Variants in CTNNBIP1 observed in about 807,000 individuals in gnomAD.
CTNNBIP1 encodes the protein catenin beta interacting protein 1, also known as beta-catenin-interacting protein 1.
A neutral mutation model predicts 11.8 loss-of-function variants in CTNNBIP1; 7 were observed. The ratio of observed to expected loss-of-function variants is 0.60; its 90% CI spans 0.34 to 1.12. The LOEUF is 1.12. CTNNBIP1 is among the 50% of genes most tolerant of loss of function. The pLI is 0.03. For synonymous variants in CTNNBIP1, 58 were observed against 43.9 expected, an observed-to-expected ratio of 1.32 and a Z score of -1.26; for missense variants, 101 against 113.4, an observed-to-expected ratio of 0.89 and a Z score of 0.50.
chr1:9,891,685 T>C (rs1639303624), intron 1 of CTNNBIP1, among the ~76,000 whole-genome samples: 1 of 151,978 alleles, frequency 6.6e-6, no homozygotes, highest in South Asian at 2.1e-4. Context: ...CAAATGCCTG[T>C]AATCCCAGCA....
chr1:9,891,781 ATTT>A (rs70998316), intron 1 of CTNNBIP1, among the ~76,000 whole-genome samples: 3,905 of 81,318 alleles, frequency 0.048, 198 homozygotes, highest in African/African-American at 0.18. Flanking sequence ...ATCTCTTTAA[ATTT>A]TTTTTTTTTT....
At chr1:9,863,792 G>A (rs1049543557) in intron 5 of CTNNBIP1, among the ~76,000 whole-genome samples, 3 of 152,208 alleles carry the variant, frequency 2.0e-5, no homozygotes, top group African/African-American at 7.2e-5. Context: ...GCTGTTATGG[G>A]GGATTCCAGG....
At chr1:9,901,384 G>T (rs1346803438) in intron 1 of CTNNBIP1, among the ~76,000 whole-genome samples, 1 of 152,172 alleles carries the variant, frequency 6.6e-6, no homozygotes, top group Admixed American at 6.5e-5. Flanking sequence ...TGATCAGGAA[G>T]AACAGGGGTG....
At chr1:9,869,895 T>A (rs1638826209) in intron 5 of CTNNBIP1, among the ~76,000 whole-genome samples, 1 of 152,186 alleles carries the variant, frequency 6.6e-6, no homozygotes, top group Admixed American at 6.5e-5. Flanking sequence ...ACCCAAGAGA[T>A]CCCAGGATGG....
chr1:9,893,954 A>T (rs192603317), intron 1 of CTNNBIP1, among the ~76,000 whole-genome samples: 6 of 152,366 alleles, frequency 3.9e-5, no homozygotes, highest in Non-Finnish European at 5.9e-5. Flanking sequence ...ATGCTGTAAA[A>T]GGACAAAGAA....
intron 1 of CTNNBIP1, among the ~76,000 whole-genome samples, chr1:9,901,054 G>C (rs995790111): frequency 1.2e-4 from 18 of 152,138 alleles, no homozygotes; most frequent in Admixed American, 1.0e-3. Context: ...AGTGCTACCA[G>C]TACTAACAGC....
intron 3 of CTNNBIP1, among the ~76,000 whole-genome samples, chr1:9,874,333 C>T (rs1415976713): frequency 6.6e-6 from 1 of 152,130 alleles, no homozygotes; most frequent in Non-Finnish European, 1.5e-5. Context: ...GAACTCACTG[C>T]AGCCCTGAAC....
At chr1:9,885,644 T>TA (rs528856859) in intron 1 of CTNNBIP1, among the ~76,000 whole-genome samples, 9,199 of 133,618 alleles carry the variant, frequency 0.069, 662 homozygotes, top group East Asian at 0.23. Flanking sequence ...ACCCTGTCTC[T>TA]AAAAAAAAAA....
intron 1 of CTNNBIP1, among the ~76,000 whole-genome samples, chr1:9,893,929 AACTG>A (rs1261041396): frequency 6.6e-6 from 1 of 152,246 alleles, no homozygotes; most frequent in Non-Finnish European, 1.5e-5. Context: ...GAGAGAGGGA[AACTG>A]ACTATTGTAC....
Position 9,872,019 on chromosome 1 carries a change from T to C in CTNNBIP1, c.46A>G (p.Ile16Val), listed in dbSNP as rs1187640116. The C allele has an allele frequency of 1.2e-5, 20 of 1,614,088 alleles. No individual in the cohort carries two copies. The Admixed American group carries it at 2.2e-4, about 17-fold the overall frequency. The change falls in exon 4 of 6, where the codon ATT (isoleucine) becomes GTT (valine). Residue 16 changes from isoleucine (I) to valine (V), a missense_variant. By Grantham distance (29) the Ile-to-Val change is conservative. Coordinates refer to ENST00000377263, the MANE Select transcript of CTNNBIP1 (RefSeq NM_020248.3). The surrounding 1 kb of genome is among the most constrained non-coding windows in gnomAD (Gnocchi z 4.0). Reference protein sequence around the residue: ...APGKSPEEMYIQQKVRVLLML... With the variant: ...APGKSPEEMYVQQKVRVLLML... ...AGCAGCACTCGGACCTTCTGCTGAA[T>C]GTACATCTCCTCCGGACTCTTCCCG...
At chr1:9,864,954 C>T (rs1326409794) in intron 5 of CTNNBIP1, among the ~76,000 whole-genome samples, 2 of 152,170 alleles carry the variant, frequency 1.3e-5, no homozygotes, top group Non-Finnish European at 2.9e-5. Flanking sequence ...CTGGGCTGGG[C>T]GCAGTGGCTC....
At chr1:9,896,179 C>T (rs555257660) in intron 1 of CTNNBIP1, among the ~76,000 whole-genome samples, 1 of 152,330 alleles carries the variant, frequency 6.6e-6, no homozygotes, top group African/African-American at 2.4e-5. Flanking sequence ...GGATGTTCCA[C>T]AATCTGGATT....
rs1486787668 is a variant in CTNNBIP1, at chr1:9,884,000, A to G, written c.-143-262T>C. Among the ~76,000 whole-genome samples, 3 of 151,962 alleles carry G rather than the reference A, an allele frequency of 2.0e-5. No individual in the cohort carries two copies. Among genetic ancestry groups the G allele is most frequent in the Non-Finnish European group, 2.9e-5 (2 of 67,962 alleles). Reference sequence around the variant, plus strand: ...GGGAGGGAATCCATGGGGAAGGAGGAAGGAGGAGGAGGGCAGGGAGCAGAG... The same window carrying G: ...GGGAGGGAATCCATGGGGAAGGAGGGAGGAGGAGGAGGGCAGGGAGCAGAG... On this transcript the variant is annotated intron_variant, in intron 1 of 5. Transcript: ENST00000377263. The surrounding 1 kb of genome is among the most constrained non-coding windows in gnomAD (Gnocchi z 5.6).
rs1175181254 is a variant in CTNNBIP1 at position 9,894,905 on chromosome 1, AT to A, written c.-143-11168del. 2.7e-3 allele frequency among the ~76,000 whole-genome samples: 276 copies of A among 102,192 alleles called. 1 individual carries two copies. The highest frequency in any genetic ancestry group is 3.6e-3 in the Admixed American group (35 of 9,612). The allele number at this position is 102,192 out of a possible 152,430, so 67.0% of individuals were successfully genotyped here. ...ACAAGTGTGACTGCCATGCCTGGCT[AT>A]TTTTTTTTTTTTTTTTTTTGAGACA... On this transcript the variant is annotated intron_variant, in intron 1 of 5. Transcript: ENST00000377263.
chr1:9,854,113 G>GC (rs1389038418), intron 5 of CTNNBIP1, among the ~76,000 whole-genome samples: 1 of 152,064 alleles, frequency 6.6e-6, no homozygotes, highest in Non-Finnish European at 1.5e-5. Context: ...AGTGGCTCAC[G>GC]CCTGTAATCC....
intron 1 of CTNNBIP1, among the ~76,000 whole-genome samples, chr1:9,906,972 GA>G (rs1639631835): frequency 6.6e-6 from 1 of 152,158 alleles, no homozygotes; most frequent in Admixed American, 6.5e-5. Context: ...AAATGGGGTA[GA>G]AACTAGCAGG....
intron 3 of CTNNBIP1, among the ~76,000 whole-genome samples, chr1:9,875,969 G>A (rs147501505): frequency 1.1e-4 from 17 of 152,304 alleles, no homozygotes; most frequent in African/African-American, 3.8e-4. Context: ...ATTAAAGTAT[G>A]TCTCTGTTTG....
intron 1 of CTNNBIP1, among the ~76,000 whole-genome samples, chr1:9,891,490 G>A (rs1337068891): frequency 6.6e-6 from 1 of 152,184 alleles, no homozygotes; most frequent in Non-Finnish European, 1.5e-5. Flanking sequence ...CCTGTGGTGA[G>A]GATTAGGTCA....
chr1:9,881,188 C>T (rs1275973523), intron 2 of CTNNBIP1, among the ~76,000 whole-genome samples: 2 of 151,934 alleles, frequency 1.3e-5, no homozygotes, highest in African/African-American at 4.8e-5. Flanking sequence ...GCATGCACCA[C>T]CATATCCGGC....
Sources: allele counts gnomAD v4.1 joint callset (sites outside exome capture counted in the v4.1 genomes callset), GRCh38; gene constraint gnomAD v4.1.1; non-coding constraint Gnocchi (gnomAD v3.1); transcripts MANE v1.5; gene names NCBI Gene and HGNC (gene_info 2026-07-23, HGNC 2026-07-21).